LEPR: variants seen among roughly 807,000 people sequenced by gnomAD.
The protein encoded by LEPR is OB receptor.
A neutral mutation model predicts 114.7 loss-of-function variants in LEPR; 56 were observed. The observed-to-expected ratio is 0.49, with a 90% CI of 0.39 to 0.61. The LOEUF is 0.61. LEPR is among the 20% of genes least tolerant of loss of function. The pLI, the probability that LEPR is intolerant of heterozygous loss-of-function variation, is 0.00. For synonymous variants in LEPR, 443 were observed against 461.4 expected (o/e 0.96, Z 0.51); for missense variants, 1,202 against 1,352.9 (o/e 0.89, Z 1.75).
chr1:65,464,553 G>A (rs1646985753), intron 2 of LEPR, among the ~76,000 whole-genome samples: 1 of 152,168 alleles, frequency 6.6e-6, no homozygotes, highest in Non-Finnish European at 1.5e-5. Context: ...ATGAGTTAGG[G>A]AGGATATCCT....
chr1:65,634,235 G>T, intron 19 of LEPR: 1 of 946,704 alleles, frequency 1.1e-6, no homozygotes, highest in Non-Finnish European at 1.3e-6. Context: ...TGTATATATG[G>T]ATCCCTTATA....
At chr1:65,554,703 G>A (rs908109250) in intron 2 of LEPR, among the ~76,000 whole-genome samples, 4 of 152,016 alleles carry the variant, frequency 2.6e-5, no homozygotes, top group Admixed American at 6.6e-5. Flanking sequence ...CAGCCTTTCC[G>A]GGGAAGTGAA....
At chr1:65,596,283 A>C (rs1252002201) in intron 6 of LEPR, among the ~76,000 whole-genome samples, 165 bp from the exon 7 acceptor site, 1 of 152,148 alleles carries the variant, frequency 6.6e-6, no homozygotes, top group African/African-American at 2.4e-5. Flanking sequence ...GACGAGACCC[A>C]GTATTCAAGC....
chr1:65,568,683 G>T (rs1450101009), intron 3 of LEPR, among the ~76,000 whole-genome samples: 4 of 152,076 alleles, frequency 2.6e-5, no homozygotes, highest in African/African-American at 9.7e-5. Context: ...CCTTTGAGTA[G>T]ATACTTAGTA....
chr1:65,493,598 A>G (rs529396792), intron 2 of LEPR, among the ~76,000 whole-genome samples: 48 of 152,178 alleles, frequency 3.2e-4, no homozygotes, highest in Non-Finnish European at 5.7e-4. Flanking sequence ...TTAACCATAT[A>G]GTTCAATAGT....
chr1:65,598,860 C>G, intron 8 of LEPR, 56 bp downstream of exon 8: 1 of 1,610,156 alleles, frequency 6.2e-7, no homozygotes, highest in South Asian at 1.1e-5. Flanking sequence ...CTGAACTTGC[C>G]TTTGTATAGT....
At chr1:65,432,737 G>A in intron 2 of LEPR, 2 of 651,394 alleles carry the variant, frequency 3.1e-6, no homozygotes, top group Non-Finnish European at 3.8e-6. Context: ...TTTTTTTAAA[G>A]ATCACTTGCA....
chr1:65,565,843 T>TCACACACACA lies in LEPR; in HGVS notation c.40+239_40+240insACACACACAC, dbSNP rs67805092. On this transcript the variant is annotated intron_variant, in intron 3 of 19. Coordinates refer to ENST00000349533, the MANE Select transcript of LEPR (RefSeq NM_002303.6). ...GTATCCTTCCAGAATCCTCTCTCTC[T>TCACACACACA]CTCACACACACACACACACAGACTC... Among the ~76,000 whole-genome samples the TCACACACACA allele has an allele frequency of 9.3e-5, 14 of 150,520 alleles. No individual in the cohort carries two copies. In the East Asian group the frequency reaches 9.9e-4, roughly 11 times the overall value.
chr1:65,432,218 T>C, intron 2 of LEPR: 1 of 1,034,878 alleles, frequency 9.7e-7, no homozygotes, highest in Non-Finnish European at 1.2e-6. Context: ...CCTTATGCAG[T>C]GCATCGAAAC....
chr1:65,633,491 G>A lies in LEPR; in HGVS notation c.2674-2700G>A, dbSNP rs1658605044. On this transcript the variant is annotated intron_variant, in intron 19 of 19. Coordinates refer to ENST00000349533, the MANE Select transcript of LEPR (RefSeq NM_002303.6). This position sits in a 1 kb window ranked among gnomAD's most constrained non-coding sequence, Gnocchi z 4.1. ...ATAAAACATTAAGAAAATTATGGCT[G>A]TTGCTGTCATTACATATCTATTAAA... 13 of 1,159,082 alleles carry A rather than the reference G, an allele frequency of 1.1e-5. No individual in the cohort carries two copies. The South Asian group carries it at 3.1e-4, about 27-fold the overall frequency. The allele number at this position is 1,159,082 out of a possible 1,614,324, so 71.8% of individuals were successfully genotyped here.
At chr1:65,612,722 T>C (rs6693842) in intron 14 of LEPR, among the ~76,000 whole-genome samples, 68,046 of 148,448 alleles carry the variant, frequency 0.46, 16,514 homozygotes, top group East Asian at 0.87. Context: ...AAGTACTGGT[T>C]GGGTATTTTG....
At chr1:65,421,592 T>C in intron 1 of LEPR, 1 of 1,003,338 alleles carries the variant, frequency 1.0e-6, no homozygotes, top group Non-Finnish European at 1.5e-6. Context: ...ATGTAGATAG[T>C]ATATATACGA....
chr1:65,451,186 C>T (rs2100326497), intron 2 of LEPR, among the ~76,000 whole-genome samples: 1 of 152,258 alleles, frequency 6.6e-6, no homozygotes, highest in East Asian at 1.9e-4. Flanking sequence ...AGCCCTTTGG[C>T]AGATGAGTAG....
intron 2 of LEPR, among the ~76,000 whole-genome samples, chr1:65,560,122 A>G (rs1016051259): frequency 7.9e-6 from 1 of 127,118 alleles, no homozygotes; most frequent in Non-Finnish European, 1.7e-5. Flanking sequence ...ATGGCATTGA[A>G]TCTGTAAATG....
chr1:65,497,855 A>T (rs1158008187), intron 2 of LEPR, among the ~76,000 whole-genome samples: 2 of 152,164 alleles, frequency 1.3e-5, no homozygotes, highest in Non-Finnish European at 1.5e-5. Flanking sequence ...AGTAGGGATA[A>T]GGTCTTATTT....
chr1:65,601,877 G>A lies in LEPR; in HGVS notation c.1320G>A (p.Gly440=), dbSNP rs778323352. The A allele has an allele frequency of 3.7e-6, 6 of 1,613,448 alleles. No individual in the cohort carries two copies. The highest frequency in any genetic ancestry group is 3.3e-5 in the South Asian group (3 of 91,056). The change falls in exon 10 of 20, where the codon GGG becomes GGA. Residue 440 remains glycine (G), a synonymous_variant. Coordinates refer to ENST00000349533, the MANE Select transcript of LEPR (RefSeq NM_002303.6). ...TCAATATCTCATGTGAAACTGATGG[G>A]TACTTAACTAAAATGACTTGCAGAT... ...VNINISCETD[G]YLTKMTCRWS... is the part of the protein sequence containing the mutation.
At chr1:65,507,459 G>GTGTATA (rs375120311) in intron 2 of LEPR, among the ~76,000 whole-genome samples, 1 of 139,520 alleles carries the variant, frequency 7.2e-6, no homozygotes, top group South Asian at 2.2e-4. Context: ...GTGTGTGTGT[G>GTGTATA]TATATATATA....
chr1:65,457,404 T>C, intron 2 of LEPR, among the ~76,000 whole-genome samples: 1 of 152,214 alleles, frequency 6.6e-6, no homozygotes, highest in Non-Finnish European at 1.5e-5. Context: ...TTATTCTCTT[T>C]GCTTTTCAGT....
intron 2 of LEPR, among the ~76,000 whole-genome samples, chr1:65,498,192 G>C (rs1363120004): frequency 6.6e-6 from 1 of 152,026 alleles, no homozygotes; most frequent in Non-Finnish European, 1.5e-5. Flanking sequence ...GTGTTTAGAA[G>C]GCCAAAATAG....
Sources: allele counts gnomAD v4.1 joint callset (sites outside exome capture counted in the v4.1 genomes callset), GRCh38; gene constraint gnomAD v4.1.1; non-coding constraint Gnocchi (gnomAD v3.1); transcripts MANE v1.5; gene names NCBI Gene and HGNC (gene_info 2026-07-23, HGNC 2026-07-21).